The following KLF8 variants were observed in gnomAD, a reference collection of about 807,000 sequenced individuals.
KLF8 encodes Krueppel-like factor 8.
In KLF8, 10 loss-of-function variants were observed where a neutral mutation model predicts 18.2. The ratio of observed to expected loss-of-function variants is 0.55; its 90% CI spans 0.34 to 0.93. The LOEUF is 0.93. KLF8 is among the 40% of genes least tolerant of loss of function. KLF8 has a pLI of 0.02. For missense variants in KLF8, 264 were observed against 277.9 expected, an observed-to-expected ratio of 0.95 and a Z score of 0.36; for synonymous variants, 109 against 97.3, an observed-to-expected ratio of 1.12 and a Z score of -0.71.
chrX:56,009,245 C>T, the KLF8 span, among the ~76,000 whole-genome samples: 1 of 111,179 alleles, frequency 9.0e-6, no homozygotes, highest in South Asian at 3.9e-4. Flanking sequence ...AAGGAGCAGG[C>T]AGCCATCTTT....
At chrX:56,281,411 C>T (rs1328201684) in intron 5 of KLF8, among the ~76,000 whole-genome samples, 2 of 111,835 alleles carry the variant, frequency 1.8e-5, no homozygotes, top group African/African-American at 6.5e-5. Flanking sequence ...ACTTATATCA[C>T]ACTTACTTAT....
chrX:55,933,943 A>C, the KLF8 span, among the ~76,000 whole-genome samples: 4 of 112,258 alleles, frequency 3.6e-5, no homozygotes, highest in Admixed American at 9.5e-5. Flanking sequence ...AAATTGCAGC[A>C]TGGATAGGTC....
the KLF8 span, among the ~76,000 whole-genome samples, chrX:55,950,211 T>C: frequency 1.8e-5 from 2 of 110,648 alleles, no homozygotes; most frequent in Non-Finnish European, 3.8e-5. Context: ...AGCTGAGAGT[T>C]TGAACAGATG....
At chrX:56,070,602 A>G in the KLF8 span, among the ~76,000 whole-genome samples, 1 of 110,786 alleles carries the variant, frequency 9.0e-6, no homozygotes, top group Admixed American at 9.6e-5. Context: ...CATAGGTAGG[A>G]GTTGAACAAT....
At chrX:55,943,611 G>T in the KLF8 span, among the ~76,000 whole-genome samples, 2 of 111,877 alleles carry the variant, frequency 1.8e-5, no homozygotes, top group African/African-American at 6.5e-5. Context: ...GAAGGCATGG[G>T]CTTTGGGGAA....
At chrX:56,158,416 A>G in the KLF8 span, among the ~76,000 whole-genome samples, 1 of 111,903 alleles carries the variant, frequency 8.9e-6, no homozygotes, top group African/African-American at 3.2e-5. Flanking sequence ...GTTTTTTCCA[A>G]TTCTGTGAAG....
At chrX:56,268,111 G>T (rs1173443715) in intron 3 of KLF8, 1 of 111,118 alleles carries the variant, frequency 9.0e-6, no homozygotes, top group Non-Finnish European at 1.9e-5. Context: ...GTTCATCTAT[G>T]CTCTCACAAA....
chrX:56,137,506 C>G, the KLF8 span, among the ~76,000 whole-genome samples: 6 of 104,273 alleles, frequency 5.8e-5, no homozygotes, highest in Admixed American at 1.1e-4. Context: ...ATCGCAAGAA[C>G]AAAAAACCAA....
At chrX:55,982,351 T>C in the KLF8 span, among the ~76,000 whole-genome samples, 14 of 111,809 alleles carry the variant, frequency 1.3e-4, no homozygotes, top group African/African-American at 4.6e-4. Context: ...TAGAGCTTTC[T>C]GTAGTCAGGC....
chrX:56,026,773 G>A, the KLF8 span, among the ~76,000 whole-genome samples: 7 of 111,739 alleles, frequency 6.3e-5, no homozygotes, highest in East Asian at 5.6e-4. Context: ...GTTACTTCAC[G>A]AGCTTTTTCA....
the KLF8 span, among the ~76,000 whole-genome samples, chrX:56,158,342 C>G: frequency 8.9e-6 from 1 of 111,767 alleles, no homozygotes; most frequent in African/African-American, 3.3e-5. Context: ...CAGCTTTGTT[C>G]TTTTGGCTTA....
chrX:55,940,349 A>C, the KLF8 span, among the ~76,000 whole-genome samples: 1 of 112,049 alleles, frequency 8.9e-6, no homozygotes, highest in African/African-American at 3.2e-5. Flanking sequence ...AAAAACTCTC[A>C]ATAAATTAGT....
chrX:56,141,933 T>C, the KLF8 span, among the ~76,000 whole-genome samples: 1 of 112,130 alleles, frequency 8.9e-6, no homozygotes, highest in Admixed American at 9.5e-5. Flanking sequence ...GAATGCTATG[T>C]TTTCAGCGAA....
the KLF8 span, among the ~76,000 whole-genome samples, chrX:55,969,092 A>G: frequency 1.8e-5 from 2 of 112,190 alleles, no homozygotes; most frequent in Non-Finnish European, 3.8e-5. Flanking sequence ...AATCTGGACT[A>G]TAGACCAAAT....
the KLF8 span, among the ~76,000 whole-genome samples, chrX:56,022,601 A>C: frequency 9.3e-6 from 1 of 107,422 alleles, no homozygotes; most frequent in African/African-American, 3.4e-5. Flanking sequence ...TCTGAAGCTC[A>C]GTAGGAGCAT....
chrX:55,997,017 G>A, the KLF8 span, among the ~76,000 whole-genome samples: 2 of 111,921 alleles, frequency 1.8e-5, no homozygotes, highest in African/African-American at 6.5e-5. Flanking sequence ...GTGGGGGGAG[G>A]CTGTGAGCAG....
At chrX:56,198,673 T>C in the KLF8 span, among the ~76,000 whole-genome samples, 1 of 112,017 alleles carries the variant, frequency 8.9e-6, no homozygotes, top group Non-Finnish European at 1.9e-5. Context: ...CCCAAAGTAA[T>C]TTATAGATTC....
chrX:56,085,828 G>T, the KLF8 span, among the ~76,000 whole-genome samples: 2 of 112,148 alleles, frequency 1.8e-5, no homozygotes, highest in African/African-American at 6.5e-5. Context: ...TCTGAGCTCA[G>T]TTCAGCATAA....
At chrX:56,222,721 CA>C in the KLF8 span, among the ~76,000 whole-genome samples, 9 of 113,125 alleles carry the variant, frequency 8.0e-5, no homozygotes, top group Non-Finnish European at 1.5e-4. Flanking sequence ...TGGCGGGCTG[CA>C]GGTCCAGAAC....
Sources: gnomAD v4.1 joint callset for allele counts (sites outside exome capture counted in the v4.1 genomes callset) on GRCh38, gnomAD v4.1.1 for gene constraint, MANE v1.5 for transcripts, NCBI Gene and HGNC (gene_info 2026-07-23, HGNC 2026-07-21) for gene names.